Variants in POFUT4 observed in about 807,000 individuals in gnomAD.
The protein encoded by POFUT4 is protein O-fucosyltransferase 4, also known as GDP-fucose protein O-fucosyltransferase 4.
the POFUT4 span, chr10:73,772,501 G>T: frequency 6.4e-7 from 1 of 1,560,714 alleles, no homozygotes; most frequent in Non-Finnish European, 8.7e-7. Context: ...TGGGCGCAGT[G>T]GGGGTGACGC....
chr10:73,778,391 CAAAAAA>C, the POFUT4 span, among the ~76,000 whole-genome samples: 1 of 43,068 alleles, frequency 2.3e-5, no homozygotes, highest in Non-Finnish European at 5.1e-5. Context: ...AACTCCATCC[CAAAAAA>C]AAAAAAAAAA....
chr10:73,772,804 C>A, the POFUT4 span: 1 of 1,611,762 alleles, frequency 6.2e-7, no homozygotes, highest in South Asian at 1.1e-5. Context: ...TCTTGCTGAG[C>A]CACGGCCCGG....
the POFUT4 span, chr10:73,775,166 T>C: frequency 2.0e-6 from 1 of 499,158 alleles, no homozygotes; most frequent in Non-Finnish European, 3.6e-6. Context: ...TTTTGATTAT[T>C]GGCATAAAGG....
the POFUT4 span, chr10:73,776,158 G>A: frequency 6.5e-6 from 1 of 153,018 alleles, no homozygotes; most frequent in East Asian, 1.9e-4. Flanking sequence ...CAAAACATTT[G>A]GTGAGTTGTA....
At chr10:73,773,754 A>G in the POFUT4 span, 1 of 1,613,060 alleles carries the variant, frequency 6.2e-7, no homozygotes, top group East Asian at 2.2e-5. Flanking sequence ...GCCCTCACAC[A>G]TGGACTGCCC....
the POFUT4 span, chr10:73,775,649 C>G: frequency 5.0e-6 from 8 of 1,614,204 alleles, no homozygotes; most frequent in Non-Finnish European, 6.8e-6. Flanking sequence ...TTTGGGATTA[C>G]CTACATGAAA....
chr10:73,776,922 G>A, the POFUT4 span, among the ~76,000 whole-genome samples: 54 of 152,226 alleles, frequency 3.5e-4, no homozygotes, highest in Admixed American at 5.9e-4. Context: ...TTCGTGATCC[G>A]CCCGCCTTGG....
chr10:73,772,339 G>A, the POFUT4 span: 3 of 1,454,900 alleles, frequency 2.1e-6, no homozygotes, highest in Non-Finnish European at 2.7e-6. Flanking sequence ...TGGACATGGC[G>A]GCCGGCCCCA....
chr10:73,776,563 C>T, the POFUT4 span, among the ~76,000 whole-genome samples: 1 of 152,066 alleles, frequency 6.6e-6, no homozygotes, highest in Admixed American at 6.5e-5. Flanking sequence ...CACCTGTAGC[C>T]CTAGATACTT....
chr10:73,780,151 G>C, the POFUT4 span: 4 of 152,200 alleles, frequency 2.6e-5, no homozygotes, highest in Non-Finnish European at 4.4e-5. Context: ...TTATACTCTG[G>C]AGTGTGGAGG....
At chr10:73,776,368 C>T in the POFUT4 span, 1 of 152,032 alleles carries the variant, frequency 6.6e-6, no homozygotes. Flanking sequence ...GCATCAGCCA[C>T]CTCACCCAGC....
the POFUT4 span, among the ~76,000 whole-genome samples, chr10:73,776,685 T>TTA: frequency 7.9e-5 from 12 of 151,856 alleles, no homozygotes; most frequent in South Asian, 6.2e-4. Context: ...CCGTCTCAAA[T>TTA]TATATATATA....
chr10:73,779,597 T>C, the POFUT4 span: 7 of 151,724 alleles, frequency 4.6e-5, no homozygotes, highest in East Asian at 1.9e-4. Context: ...AAATTTGATA[T>C]AGTAGGCACT....
chr10:73,778,378 C>T, the POFUT4 span, among the ~76,000 whole-genome samples: 2 of 131,162 alleles, frequency 1.5e-5, no homozygotes, highest in African/African-American at 3.0e-5. Context: ...GGGTGACGAG[C>T]GAAACTCCAT....
chr10:73,772,984 CT>C, the POFUT4 span: 1 of 1,598,338 alleles, frequency 6.3e-7, no homozygotes, highest in Non-Finnish European at 8.5e-7. Flanking sequence ...TGCAGTCACA[CT>C]GCGACGTGCC....
chr10:73,775,962 G>A, the POFUT4 span: 1 of 423,004 alleles, frequency 2.4e-6, no homozygotes, highest in Non-Finnish European at 4.3e-6. Flanking sequence ...GTCCAACAGA[G>A]TTTTTAAACT....
the POFUT4 span, chr10:73,773,180 C>T: frequency 3.7e-6 from 6 of 1,600,006 alleles, no homozygotes; most frequent in East Asian, 6.7e-5. Context: ...CCTTACTGTA[C>T]CCGGTCTAGG....
chr10:73,772,376 G>T, the POFUT4 span: 2 of 1,554,542 alleles, frequency 1.3e-6, no homozygotes, highest in South Asian at 1.2e-5. Flanking sequence ...CCTTCTAGGG[G>T]TGCTCAGTGT....
the POFUT4 span, among the ~76,000 whole-genome samples, chr10:73,778,391 C>CCA: frequency 2.3e-5 from 1 of 43,070 alleles, no homozygotes; most frequent in African/African-American, 7.9e-5. Flanking sequence ...AACTCCATCC[C>CCA]AAAAAAAAAA....
Sources: gnomAD v4.1 joint callset for allele counts (sites outside exome capture counted in the v4.1 genomes callset) on GRCh38, gnomAD v4.1.1 for gene constraint, MANE v1.5 for transcripts, NCBI Gene and HGNC (gene_info 2026-07-23, HGNC 2026-07-21) for gene names.